MATN2: variants seen among roughly 807,000 people sequenced by gnomAD.
The protein encoded by MATN2 is matrilin-2.
Under a neutral mutation model 103.2 loss-of-function variants are expected in MATN2, and 69 were observed. The observed-to-expected ratio is 0.67, with a 90% CI of 0.55 to 0.82. The LOEUF is 0.82. Among genes scored for constraint, MATN2 ranks in the 40% least tolerant of loss-of-function variants. The pLI, the probability that MATN2 is intolerant of heterozygous loss-of-function variation, is 0.00. For missense variants in MATN2, 1,023 were observed against 1,211.5 expected, an observed-to-expected ratio of 0.84 and a Z score of 2.31; for synonymous variants, 429 against 450.2, an observed-to-expected ratio of 0.95 and a Z score of 0.60.
Position 97,909,049 on chromosome 8 carries a change from C to G in MATN2, c.142+20807C>G, listed in dbSNP as rs1333781652. Reference sequence around the variant, plus strand: ...TGCCTCCCATGCTCAAGTGATCCTCCCATCTCAGCCTCCCAAGTAGCTGGG... The same window carrying G: ...TGCCTCCCATGCTCAAGTGATCCTCGCATCTCAGCCTCCCAAGTAGCTGGG... On this transcript the variant is annotated intron_variant, in intron 2 of 18. Coordinates refer to ENST00000254898, the MANE Select transcript of MATN2 (RefSeq NM_002380.5). Among the ~76,000 whole-genome samples the G allele has an allele frequency of 4.6e-3, 707 of 152,310 alleles. 5 individuals are homozygous for G. Among genetic ancestry groups the G allele is most frequent in the Admixed American group, 0.033 (508 of 15,290 alleles).
At chr8:98,012,365 C>T (rs1426977581) in intron 10 of MATN2, among the ~76,000 whole-genome samples, 1 of 152,086 alleles carries the variant, frequency 6.6e-6, no homozygotes, top group African/African-American at 2.4e-5. Context: ...GGAGCACCCC[C>T]TAGTCTAGAG....
intron 2 of MATN2, among the ~76,000 whole-genome samples, chr8:97,889,818 A>T (rs56299868): frequency 0.54 from 81,360 of 151,574 alleles, 22,281 homozygotes; most frequent in Non-Finnish European, 0.59. Flanking sequence ...AGGAAAAGCC[A>T]CCACACACTT....
In MATN2 at chr8:97,931,987, G is replaced by C. The variant is rs991319186; in HGVS notation, c.712+465G>C. Among the ~76,000 whole-genome samples, 9 of 152,220 alleles carry C rather than the reference G, an allele frequency of 5.9e-5. No individual in the cohort carries two copies. Among genetic ancestry groups the C allele is most frequent in the African/African-American group, 2.4e-5 (1 of 41,450 alleles). ...CAAAGTGCTGGGATTATAGGCATGA[G>C]CACCCAGCTAAGACAGACATTAAAT... On this transcript the variant is annotated intron_variant, in intron 3 of 18. Coordinates refer to ENST00000254898, the MANE Select transcript of MATN2 (RefSeq NM_002380.5). The surrounding 1 kb of genome is among the most constrained non-coding windows in gnomAD (Gnocchi z 4.1).
chr8:97,941,182 A>AG (rs1312521701), intron 3 of MATN2, among the ~76,000 whole-genome samples: 16 of 58,446 alleles, frequency 2.7e-4, no homozygotes, highest in South Asian at 9.1e-4. Flanking sequence ...AAAAAAAAAA[A>AG]AAAGAAAGAA....
intron 2 of MATN2, among the ~76,000 whole-genome samples, chr8:97,910,329 A>T (rs534593013): frequency 2.6e-5 from 4 of 152,256 alleles, no homozygotes; most frequent in African/African-American, 7.2e-5. Flanking sequence ...AAGTGCTGGG[A>T]TTACAGGTAT....
At chr8:97,933,682 A>G (rs966143127) in intron 3 of MATN2, among the ~76,000 whole-genome samples, 1 of 152,060 alleles carries the variant, frequency 6.6e-6, no homozygotes, top group African/African-American at 2.4e-5. Flanking sequence ...TGGAAGCTCT[A>G]AGAAAACATT....
intron 6 of MATN2, among the ~76,000 whole-genome samples, chr8:97,993,348 C>G (rs1032280840): frequency 4.6e-5 from 7 of 152,222 alleles, no homozygotes; most frequent in Admixed American, 2.6e-4. Context: ...AAAACAAAGA[C>G]TCCTTTTAAG....
At chr8:98,001,087 G>A (rs996498489) in intron 7 of MATN2, among the ~76,000 whole-genome samples, 1 of 152,174 alleles carries the variant, frequency 6.6e-6, no homozygotes, top group Non-Finnish European at 1.5e-5. Context: ...CAGATACATG[G>A]TAAAAATAAA....
rs150690220 is a variant in MATN2 at position 98,032,011 on chromosome 8, TCTTAAGATGTA to T, written c.2510-230_2510-220del. ...CTAGACATGACATTTTTGGGAGCAT[TCTTAAGATGTA>T]CTTAGGGGGTCCAAGCTTCTCTTAC... On this transcript the variant is annotated intron_variant, in intron 15 of 18. Coordinates refer to ENST00000254898, the MANE Select transcript of MATN2 (RefSeq NM_002380.5). 2,705 of 332,006 alleles carry T rather than the reference TCTTAAGATGTA, an allele frequency of 8.1e-3. 72 individuals are homozygous for T. Among genetic ancestry groups the T allele is most frequent in the African/African-American group, 0.052 (2,468 of 47,242 alleles). The allele number at this position is 332,006 out of a possible 1,614,324, so 20.6% of individuals were successfully genotyped here. A position where few individuals can be genotyped will look rare whatever the true frequency, so the allele number is the denominator to read the frequency against.
intron 5 of MATN2, among the ~76,000 whole-genome samples, chr8:97,977,913 C>A (rs759614132): frequency 2.0e-5 from 3 of 152,150 alleles, no homozygotes; most frequent in Non-Finnish European, 4.4e-5. Context: ...CACCCACCTT[C>A]TCAGAGAGGC....
chr8:98,006,059 G>A (rs1412596657), intron 8 of MATN2, among the ~76,000 whole-genome samples: 1 of 152,218 alleles, frequency 6.6e-6, no homozygotes, highest in Non-Finnish European at 1.5e-5. Flanking sequence ...TCTCCATAAG[G>A]GAAACCTGGG....
chr8:97,957,623 T>C (rs2130246948), intron 4 of MATN2, among the ~76,000 whole-genome samples: 1 of 152,218 alleles, frequency 6.6e-6, no homozygotes, highest in South Asian at 2.1e-4. Context: ...GTGTTTGGGG[T>C]TCTTTTAGCC....
intron 12 of MATN2, 118 bp downstream of exon 12, chr8:98,018,234 C>T: frequency 7.5e-7 from 1 of 1,327,218 alleles, no homozygotes; most frequent in African/African-American, 1.5e-5. Context: ...CAGTTCCTGC[C>T]TTGGGTGCTC....
At chr8:97,895,532 A>T (rs958567286) in intron 2 of MATN2, among the ~76,000 whole-genome samples, 1 of 152,210 alleles carries the variant, frequency 6.6e-6, no homozygotes, top group Admixed American at 6.5e-5. Context: ...CACACATTGC[A>T]GGCCCTCTGC....
At chr8:97,938,645 AGGTTTT>A (rs1325088014) in intron 3 of MATN2, among the ~76,000 whole-genome samples, 1 of 152,240 alleles carries the variant, frequency 6.6e-6, no homozygotes, top group Admixed American at 6.5e-5. Context: ...ACTAGATCTA[AGGTTTT>A]GATTAAATCT....
Position 98,035,809 on chromosome 8 carries a change from TG to T in MATN2, c.*98del. On this transcript the variant is annotated 3_prime_UTR_variant, in exon 19 of 19. Coordinates refer to ENST00000254898, the MANE Select transcript of MATN2 (RefSeq NM_002380.5). The stretch of plus-strand genomic sequence containing the variant: ...GCTCAGGCTATTGTTAAATCAATAA[TG>T]TTGTGAAGTAAAACAATCAGTACTG... The T allele has an allele frequency of 1.4e-6, 1 of 700,030 alleles. No individual in the cohort carries two copies. The allele number at this position is 700,030 out of a possible 1,614,324, so 43.4% of individuals were successfully genotyped here.
chr8:97,911,924 G>A (rs1809457969), intron 2 of MATN2, among the ~76,000 whole-genome samples: 1 of 152,148 alleles, frequency 6.6e-6, no homozygotes, highest in South Asian at 2.1e-4. Flanking sequence ...ACTATTCTAA[G>A]TACACATATT....
intron 13 of MATN2, 47 bp downstream of exon 13, chr8:98,021,374 A>AAG (rs1813585362): frequency 6.3e-7 from 1 of 1,597,268 alleles, no homozygotes; most frequent in African/African-American, 1.3e-5. Flanking sequence ...GTTTTGGAGC[A>AAG]ACTGCTTTTT....
chr8:97,917,859 T>C (rs1366004464), intron 2 of MATN2, among the ~76,000 whole-genome samples: 3 of 152,068 alleles, frequency 2.0e-5, no homozygotes, highest in African/African-American at 7.2e-5. Flanking sequence ...CTGAAGCTGG[T>C]GGATTGTCTG....
Sources: allele counts gnomAD v4.1 joint callset (sites outside exome capture counted in the v4.1 genomes callset), GRCh38; gene constraint gnomAD v4.1.1; non-coding constraint Gnocchi (gnomAD v3.1); transcripts MANE v1.5; gene names NCBI Gene and HGNC (gene_info 2026-07-23, HGNC 2026-07-21).